NAA25: variants seen among roughly 807,000 people sequenced by gnomAD.
NAA25 encodes the protein N-terminal acetyltransferase B complex subunit NAA25.
In NAA25, 30 loss-of-function variants were observed where a neutral mutation model predicts 132.5. That is an observed-to-expected ratio of 0.23 (90% CI 0.17 to 0.31). The LOEUF (loss-of-function observed/expected upper bound fraction) is 0.31. Ranked by LOEUF, NAA25 falls within the 10% of genes least tolerant of loss-of-function variation. NAA25 has a pLI of 1.00. For missense variants in NAA25, 771 were observed against 1,150.4 expected, an observed-to-expected ratio of 0.67 and a Z score of 4.77; for synonymous variants, 359 against 401.9, an observed-to-expected ratio of 0.89 and a Z score of 1.28.
intron 8 of NAA25, among the ~76,000 whole-genome samples, 158 bp from the exon 9 acceptor site, chr12:112,074,922 G>A (rs1469491043): frequency 6.6e-6 from 1 of 152,074 alleles, no homozygotes; most frequent in Non-Finnish European, 1.5e-5. Context: ...AAATCTAAAA[G>A]GGCATTTTCA....
rs759991046 is a variant in NAA25, at chr12:112,047,813, T to C, written c.1881-23A>G. The C allele has an allele frequency of 3.2e-6, 5 of 1,578,504 alleles. No homozygotes were observed. In the South Asian group the frequency reaches 4.7e-5, roughly 15 times the overall value. ...GATCTGTGATAGAGAAAAATCCACA[T>C]ATTATTTTAATAGTAAAATAGCCAG... On this transcript the variant is annotated intron_variant, in intron 16 of 23. Coordinates refer to ENST00000261745, the MANE Select transcript of NAA25 (RefSeq NM_024953.4).
At chr12:112,081,287 C>G (rs1593811821) in intron 4 of NAA25, among the ~76,000 whole-genome samples, 153 bp from the exon 5 acceptor site, 1 of 152,198 alleles carries the variant, frequency 6.6e-6, no homozygotes, top group East Asian at 1.9e-4. Context: ...GCTTTAGCAA[C>G]AGCAGTAATC....
At chr12:112,067,953 G>C (rs2078743637) in intron 11 of NAA25, among the ~76,000 whole-genome samples, 1 of 152,054 alleles carries the variant, frequency 6.6e-6, no homozygotes, top group Admixed American at 6.6e-5. Context: ...GGCCAGGCTG[G>C]TCTTGAACTC....
intron 1 of NAA25, among the ~76,000 whole-genome samples, chr12:112,108,098 G>T (rs2079390750): frequency 6.6e-6 from 1 of 151,784 alleles, no homozygotes; most frequent in Admixed American, 6.6e-5. Context: ...TTAGGCCCAA[G>T]ACCCCCTCCC....
chr12:112,105,599 A>G (rs945526052), intron 1 of NAA25, among the ~76,000 whole-genome samples: 1 of 152,212 alleles, frequency 6.6e-6, no homozygotes, highest in African/African-American at 2.4e-5. Context: ...TTATCACCAC[A>G]TAGCCCTGTC....
intron 22 of NAA25, chr12:112,037,673 A>G (rs1247010263): frequency 2.9e-5 from 4 of 138,068 alleles, no homozygotes; most frequent in African/African-American, 1.1e-4. Flanking sequence ...TTAGTGTCCC[A>G]TTATTGGTGA....
chr12:112,053,283 A>C (rs1358342046), intron 15 of NAA25, among the ~76,000 whole-genome samples: 1 of 152,198 alleles, frequency 6.6e-6, no homozygotes, highest in African/African-American at 2.4e-5. Context: ...TAGAGATTAA[A>C]AGCCAGGTCT....
At chr12:112,107,982 A>G (rs2079388802) in intron 1 of NAA25, among the ~76,000 whole-genome samples, 1 of 152,178 alleles carries the variant, frequency 6.6e-6, no homozygotes, top group African/African-American at 2.4e-5. Context: ...AGCACAGGGA[A>G]GGAAAGCTGC....
chr12:112,071,826 C>CGGTGGACGACGT, intron 10 of NAA25, 69 bp downstream of exon 10: 1 of 1,247,882 alleles, frequency 8.0e-7, no homozygotes. Context: ...GTGTAGATCT[C>CGGTGGACGACGT]AACTAATGAA....
chr12:112,086,051 A>ATAT (rs1486127767), intron 4 of NAA25, among the ~76,000 whole-genome samples: 1 of 37,380 alleles, frequency 2.7e-5, no homozygotes, highest in Non-Finnish European at 3.9e-5. Context: ...AAAAAAAAAA[A>ATAT]ATATATATAT....
chr12:112,034,323 C>A (rs1424223036), intron 22 of NAA25: 2 of 149,418 alleles, frequency 1.3e-5, no homozygotes, highest in African/African-American at 4.9e-5. Context: ...CATGGTAAAA[C>A]CCCATCTCTA....
chr12:112,084,658 C>T (rs535061744), intron 4 of NAA25, among the ~76,000 whole-genome samples: 3 of 150,942 alleles, frequency 2.0e-5, no homozygotes, highest in Middle Eastern at 3.5e-3. Context: ...GGCTTAGTGG[C>T]GCGTGCCTGT....
intron 9 of NAA25, among the ~76,000 whole-genome samples, chr12:112,072,685 T>C (rs1298203796): frequency 6.6e-6 from 1 of 151,692 alleles, no homozygotes; most frequent in African/African-American, 2.4e-5. Context: ...ACACCTAAAA[T>C]CCCAGCACTT....
At chr12:112,075,550 T>C in intron 8 of NAA25, 128 bp downstream of exon 8, 1 of 681,338 alleles carries the variant, frequency 1.5e-6, no homozygotes. Context: ...TTTAGAAACA[T>C]GCAGGACACA....
At chr12:112,097,884 G>A (rs933942708) in intron 1 of NAA25, among the ~76,000 whole-genome samples, 4 of 151,890 alleles carry the variant, frequency 2.6e-5, no homozygotes, top group Non-Finnish European at 5.9e-5. Flanking sequence ...TTGGGAGGCA[G>A]AGGCAGACAG....
At chr12:112,104,190 C>T (rs573605447) in intron 1 of NAA25, among the ~76,000 whole-genome samples, 21 of 152,088 alleles carry the variant, frequency 1.4e-4, no homozygotes, top group Non-Finnish European at 2.4e-4. Flanking sequence ...CAGGTCAGTA[C>T]GACATATTAA....
At chr12:112,068,743 T>A in intron 11 of NAA25, 137 bp downstream of exon 11, 1 of 551,192 alleles carries the variant, frequency 1.8e-6, no homozygotes, top group Non-Finnish European at 3.2e-6. Flanking sequence ...CATAGAGTAC[T>A]TAGCTTGACA....
At chr12:112,052,551 A>G (rs2078482745) in intron 15 of NAA25, among the ~76,000 whole-genome samples, 1 of 152,168 alleles carries the variant, frequency 6.6e-6, no homozygotes, top group Non-Finnish European at 1.5e-5. Context: ...ATTCCCTAAA[A>G]CTTGTCAGAA....
intron 4 of NAA25, among the ~76,000 whole-genome samples, chr12:112,082,679 T>A (rs558528650): frequency 6.6e-6 from 1 of 151,772 alleles, no homozygotes; most frequent in Admixed American, 6.6e-5. Context: ...TCTTACCTCT[T>A]CTTTCTTTAA....
Sources: allele counts gnomAD v4.1 joint callset (sites outside exome capture counted in the v4.1 genomes callset), GRCh38; gene constraint gnomAD v4.1.1; transcripts MANE v1.5; gene names NCBI Gene and HGNC (gene_info 2026-07-23, HGNC 2026-07-21).